The following CD40 variants were observed in gnomAD, a reference collection of about 807,000 sequenced individuals.
CD40 encodes CD40 molecule, also known as tumor necrosis factor receptor superfamily member 5.
In CD40, 19 loss-of-function variants were observed where a neutral mutation model predicts 38.5. The ratio of observed to expected loss-of-function variants is 0.49; its 90% CI spans 0.34 to 0.72. The LOEUF (loss-of-function observed/expected upper bound fraction) is 0.72. CD40 is among the 30% of genes least tolerant of loss of function. The probability of loss-of-function intolerance (pLI) is 0.01; values close to 1 mark genes in which losing one functional copy is unlikely to be tolerated. For synonymous variants in CD40, 130 were observed against 128.7 expected, an observed-to-expected ratio of 1.01 and a Z score of -0.07; for missense variants, 256 against 344.1, an observed-to-expected ratio of 0.74 and a Z score of 2.03.
Position 46,129,030 on chromosome 20 carries a change from A to C in CD40, c.824A>C (p.Glu275Ala). The change falls in exon 9 of 9, where the codon GAG (glutamate) becomes GCG (alanine). Residue 275 changes from glutamate (E) to alanine (A), a missense_variant. Coordinates refer to ENST00000372285, the MANE Select transcript of CD40 (RefSeq NM_001250.6). ...AAAGAGAGTCGCATCTCAGTGCAGG[A>C]GAGACAGTGAGGCTGCACCCACCCA... ...DGKESRISVQ[E>A]RQ 6.2e-7 allele frequency: 1 copy of C among 1,614,150 alleles called. No homozygotes were observed. The highest frequency in any genetic ancestry group is 1.1e-5 in the South Asian group (1 of 91,090).
chr20:46,123,116 C>T lies in CD40; in HGVS notation c.404-10C>T, dbSNP rs758658565. ...TGATGGTTAATGTCCCCCTCCCCAC[C>T]CACTCCCAGCTACAGGGGTTTCTGA... On this transcript the variant is annotated splice_polypyrimidine_tract_variant and intron_variant, in intron 4 of 8. Coordinates refer to ENST00000372285, the MANE Select transcript of CD40 (RefSeq NM_001250.6). 1 of 1,608,096 alleles carries T rather than the reference C, an allele frequency of 6.2e-7. No individual in the cohort carries two copies.
Position 46,125,211 on chromosome 20 carries a change from A to G in CD40, c.498-1429A>G, listed in dbSNP as rs370745930. Reference sequence around the variant, plus strand: ...ATTTCACAAGGCTTGAGCTAAAAACATGTAAAGTGTATTGTAAATTCCTGA... The same window carrying G: ...ATTTCACAAGGCTTGAGCTAAAAACGTGTAAAGTGTATTGTAAATTCCTGA... On this transcript the variant is annotated intron_variant, in intron 5 of 8. Transcript: ENST00000372285. 1.4e-4 allele frequency among the ~76,000 whole-genome samples: 21 copies of G among 152,172 alleles called. No individual in the cohort carries two copies. The East Asian group carries it at 1.9e-3, about 14-fold the overall frequency.
chr20:46,127,998 C>T (rs972399625), intron 6 of CD40, 140 bp from the exon 7 acceptor site: 88 of 1,536,928 alleles, frequency 5.7e-5, no homozygotes, highest in Non-Finnish European at 6.6e-5. Context: ...AGCCACATTT[C>T]CCCAAGGACC....
rs1016241905 is a variant in CD40 at position 46,129,363 on chromosome 20, G to T, written c.*323G>T. On this transcript the variant is annotated 3_prime_UTR_variant, in exon 9 of 9. Coordinates refer to ENST00000372285, the MANE Select transcript of CD40 (RefSeq NM_001250.6). ...AGACCTTCCGATCCAGCAGTTTGGT[G>T]CCCAGAGAGGCATCATGGTGGCTTC... 7 of 376,298 alleles carry T rather than the reference G, an allele frequency of 1.9e-5. No individual in the cohort carries two copies. The Admixed American group carries it at 2.6e-4, about 14-fold the overall frequency. The allele number at this position is 376,298 out of a possible 1,614,324, so 23.3% of individuals were successfully genotyped here.
At chr20:46,125,549 A>C (rs2085418621) in intron 5 of CD40, among the ~76,000 whole-genome samples, 1 of 73,142 alleles carries the variant, frequency 1.4e-5, no homozygotes, top group Non-Finnish European at 3.2e-5. Context: ...TCTGTCTCAA[A>C]AAAAAAAAAA....
chr20:46,123,579 C>A (rs1204607888), intron 5 of CD40, among the ~76,000 whole-genome samples: 1 of 152,216 alleles, frequency 6.6e-6, no homozygotes, highest in Non-Finnish European at 1.5e-5. Context: ...TGGGTGCTCA[C>A]CCTGAGGGCC....
In CD40 at chr20:46,127,571, T is replaced by C. The variant is rs1044707059; in HGVS notation, c.560-567T>C. Reference sequence around the variant, plus strand: ...ATGACTGAGTGTTTTGGACATCCTTTTCAATTTTGTCCTGAAACAATTTCA... The same window carrying C: ...ATGACTGAGTGTTTTGGACATCCTTCTCAATTTTGTCCTGAAACAATTTCA... On this transcript the variant is annotated intron_variant, in intron 6 of 8. Transcript: ENST00000372285. Among the ~76,000 whole-genome samples the C allele has an allele frequency of 7.2e-5, 11 of 152,354 alleles. No individual in the cohort carries two copies. The East Asian group carries it at 1.9e-3, about 27-fold the overall frequency.
At chr20:46,127,861 C>A in intron 6 of CD40, 1 of 523,514 alleles carries the variant, frequency 1.9e-6, no homozygotes, top group Non-Finnish European at 3.3e-6. Flanking sequence ...CAACTGGAAC[C>A]CAGTCTTCCC....
At chr20:46,121,667 A>T (rs781078175) in intron 1 of CD40, 153 bp from the exon 2 acceptor site, 17 of 739,078 alleles carry the variant, frequency 2.3e-5, no homozygotes, top group Non-Finnish European at 4.3e-5. Context: ...ATTTACTTGA[A>T]AACAAACATG....
intron 5 of CD40, among the ~76,000 whole-genome samples, chr20:46,124,068 C>A (rs6017739): frequency 9.9e-5 from 15 of 152,152 alleles, no homozygotes; most frequent in Admixed American, 5.2e-4. Context: ...GATGCCAAGG[C>A]GGGTGGATCA....
At chr20:46,118,477 C>T in intron 1 of CD40, 83 bp downstream of exon 1, 1 of 838,376 alleles carries the variant, frequency 1.2e-6, no homozygotes, top group Admixed American at 1.9e-5. Flanking sequence ...GGGAAGAGGC[C>T]TTCCTGGCTG....
intron 8 of CD40, 97 bp downstream of exon 8, chr20:46,128,455 C>T (rs552022022): frequency 5.2e-6 from 7 of 1,348,914 alleles, no homozygotes; most frequent in East Asian, 2.3e-5. Flanking sequence ...CAGAGTCTGT[C>T]TCTGCAGCCA....
chr20:46,121,866 T>C lies in CD40; in HGVS notation c.98T>C (p.Ile33Thr), dbSNP rs1404215817. 1 of 1,614,164 alleles carries C rather than the reference T, an allele frequency of 6.2e-7. No individual in the cohort carries two copies. The highest frequency in any genetic ancestry group is 2.2e-5 in the East Asian group (1 of 44,892). ...GCATGCAGAGAAAAACAGTACCTAATAAACAGTCAGTGCTGTTCTTTGTGC... is the reference window on the plus strand; with the variant it reads ...GCATGCAGAGAAAAACAGTACCTAACAAACAGTCAGTGCTGTTCTTTGTGC... ...PTACREKQYL[I>T]NSQCCSLCQP... is the part of the protein sequence containing the mutation. The change falls in exon 2 of 9, where the codon ATA (isoleucine) becomes ACA (threonine). Residue 33 changes from isoleucine (I) to threonine (T), a missense_variant. By Grantham distance (89) the Ile-to-Thr change is moderately conservative. Coordinates refer to ENST00000372285, the MANE Select transcript of CD40 (RefSeq NM_001250.6).
chr20:46,118,582 G>A (rs1250130538), intron 1 of CD40, among the ~76,000 whole-genome samples, 188 bp downstream of exon 1: 1 of 152,170 alleles, frequency 6.6e-6, no homozygotes, highest in African/African-American at 2.4e-5. Flanking sequence ...TCCCGGGCTG[G>A]GGTCCCGGGA....
intron 5 of CD40, 64 bp from the exon 6 acceptor site, chr20:46,126,576 T>C: frequency 6.2e-7 from 1 of 1,604,470 alleles, no homozygotes; most frequent in Non-Finnish European, 8.5e-7. Flanking sequence ...ATCTTATGCT[T>C]GGGGAAACTT....
chr20:46,118,340 C>T lies in CD40; in HGVS notation c.-4C>T. On this transcript the variant is annotated 5_prime_UTR_variant, in exon 1 of 9. Transcript: ENST00000372285. ...GTGGTCCTGCCGCCTGGTCTCACCT[C>T]GCTATGGTTCGTCTGCCTCTGCAGT... 1 of 1,613,808 alleles carries T rather than the reference C, an allele frequency of 6.2e-7. No individual in the cohort carries two copies. The highest frequency in any genetic ancestry group is 8.5e-7 in the Non-Finnish European group (1 of 1,179,948).
intron 1 of CD40, among the ~76,000 whole-genome samples, chr20:46,118,654 A>G (rs554737228): frequency 6.6e-6 from 1 of 152,142 alleles, no homozygotes; most frequent in Admixed American, 6.5e-5. Flanking sequence ...GACGGCCTGG[A>G]CGGGTTTAGG....
Position 46,126,688 on chromosome 20 carries a change from T to C in CD40, c.546T>C (p.Thr182=). The C allele has an allele frequency of 6.2e-7, 1 of 1,613,988 alleles. No individual in the cohort carries two copies. The highest frequency in any genetic ancestry group is 8.5e-7 in the Non-Finnish European group (1 of 1,179,904). The part of the protein sequence containing the change: ...LVVQQAGTNK[T]DVVCGPQDRL... ...TGCAACAGGCAGGCACAAACAAGAC[T>C]GATGTTGTCTGTGGTGAGTCCTGGA... Residue 182 remains threonine, a synonymous_variant, in exon 6 of 9, where the codon ACT becomes ACC. Transcript: ENST00000372285.
Position 46,123,236 on chromosome 20 carries a change from C to T in CD40, c.497+17C>T. 6.3e-7 allele frequency: 1 copy of T among 1,577,540 alleles called. No individual in the cohort carries two copies. The highest frequency in any genetic ancestry group is 1.3e-5 in the African/African-American group (1 of 74,282). On this transcript the variant is annotated intron_variant, in intron 5 of 8. Transcript: ENST00000372285. Reference sequence around the variant, plus strand: ...TTGGACAAGGTATAAGCACTCATCCCTTGTGTTTCCTGCTCTAAGAGTGGC... The same window carrying T: ...TTGGACAAGGTATAAGCACTCATCCTTTGTGTTTCCTGCTCTAAGAGTGGC...
Sources: allele counts gnomAD v4.1 joint callset (sites outside exome capture counted in the v4.1 genomes callset), GRCh38; gene constraint gnomAD v4.1.1; transcripts MANE v1.5; gene names NCBI Gene and HGNC (gene_info 2026-07-23, HGNC 2026-07-21).